The following RAB3C variants were observed in gnomAD, a reference collection of about 807,000 sequenced individuals.
RAB3C encodes the protein RAB3C, member RAS oncogene family.
Under a neutral mutation model 26.4 loss-of-function variants are expected in RAB3C, and 17 were observed. That is an observed-to-expected ratio of 0.64 (90% confidence interval 0.44 to 0.97). The LOEUF (loss-of-function observed/expected upper bound fraction) is 0.97, where lower values mean the gene tolerates loss of function less well. Among genes scored for constraint, RAB3C ranks in the 50% least tolerant of loss-of-function variants. The pLI is 0.00. For missense variants in RAB3C, 242 were observed against 281.9 expected, an observed-to-expected ratio of 0.86 and a Z score of 1.01; for synonymous variants, 91 against 95.9, an observed-to-expected ratio of 0.95 and a Z score of 0.30.
chr5:58,628,203 A>T (rs1329258286), intron 2 of RAB3C, among the ~76,000 whole-genome samples: 1 of 151,930 alleles, frequency 6.6e-6, no homozygotes, highest in African/African-American at 2.4e-5. Context: ...TCGTGTGAGA[A>T]ACAATAGAGA....
At chr5:58,843,270 A>G (rs904947367) in intron 4 of RAB3C, among the ~76,000 whole-genome samples, 1 of 152,194 alleles carries the variant, frequency 6.6e-6, no homozygotes, top group Non-Finnish European at 1.5e-5. Flanking sequence ...GTATTACACT[A>G]TTTGCTCTAT....
rs1747515472 is a variant in RAB3C at position 58,646,250 on chromosome 5, A to T, written c.252+28380A>T. 2.0e-5 allele frequency among the ~76,000 whole-genome samples: 3 copies of T among 152,130 alleles called. No individual in the cohort carries two copies. In the South Asian group the frequency reaches 6.2e-4, roughly 32 times the overall value. On this transcript the variant is annotated intron_variant, in intron 2 of 4. Coordinates refer to ENST00000282878, the MANE Select transcript of RAB3C (RefSeq NM_138453.4). ...ACTGCACCTAGCATAGTGTGTTGTA[A>T]CTGACACAAACAGCTTCTATCTCAG...
rs988644141 is a variant in RAB3C at position 58,805,446 on chromosome 5, G to A, written c.372-19592G>A. On this transcript the variant is annotated intron_variant, in intron 3 of 4. Transcript: ENST00000282878. ...CTAAAAATACAAAAATTAGCCAGGT[G>A]TGGTAGTGCGCGCCTATAATCCCAT... Among the ~76,000 whole-genome samples the A allele has an allele frequency of 3.3e-5, 5 of 151,694 alleles. No homozygotes were observed. The East Asian group carries it at 9.7e-4, about 29-fold the overall frequency.
At chr5:58,634,816 A>G (rs1747255319) in intron 2 of RAB3C, among the ~76,000 whole-genome samples, 1 of 152,164 alleles carries the variant, frequency 6.6e-6, no homozygotes, top group African/African-American at 2.4e-5. Context: ...GGCAGTTCCC[A>G]AGTCAGTGGG....
chr5:58,851,145 T>G lies in RAB3C; in HGVS notation c.497-19T>G. ...GAAATGCAAAATAACCAAGATGTGT[T>G]TCTGTGTGTTTCTTCCAGGGTTTGA... On this transcript the variant is annotated intron_variant, in intron 4 of 4. Transcript: ENST00000282878. 6.3e-7 allele frequency: 1 copy of G among 1,579,956 alleles called. No homozygotes were observed. The highest frequency in any genetic ancestry group is 8.6e-7 in the Non-Finnish European group (1 of 1,165,246).
At chr5:58,709,415 A>G (rs1437079551) in intron 2 of RAB3C, among the ~76,000 whole-genome samples, 10 of 152,208 alleles carry the variant, frequency 6.6e-5, no homozygotes, top group African/African-American at 2.2e-4. Flanking sequence ...CACAATTCAC[A>G]GTCCAGTCCT....
intron 2 of RAB3C, among the ~76,000 whole-genome samples, chr5:58,663,027 G>A (rs1747935859): frequency 6.7e-6 from 1 of 150,192 alleles, no homozygotes; most frequent in Non-Finnish European, 1.5e-5. Context: ...TGAAGAAAGA[G>A]CTGTTTATGT....
At chr5:58,779,406 G>A (rs766218427) in intron 3 of RAB3C, among the ~76,000 whole-genome samples, 6 of 150,046 alleles carry the variant, frequency 4.0e-5, no homozygotes. Flanking sequence ...TTTTTTTCAG[G>A]CAGTGGCTCA....
chr5:58,748,237 A>G (rs1741441073), intron 3 of RAB3C, among the ~76,000 whole-genome samples: 1 of 152,168 alleles, frequency 6.6e-6, no homozygotes, highest in South Asian at 2.1e-4. Context: ...AAACACAAGA[A>G]CAAGAGAGAT....
chr5:58,805,017 T>C (rs1016465433), intron 3 of RAB3C, among the ~76,000 whole-genome samples: 22 of 151,932 alleles, frequency 1.4e-4, no homozygotes, highest in African/African-American at 5.3e-4. Context: ...TTTTTAAATT[T>C]ATTTAAGCTT....
At chr5:58,776,592 C>T (rs193039367) in intron 3 of RAB3C, among the ~76,000 whole-genome samples, 9 of 152,212 alleles carry the variant, frequency 5.9e-5, no homozygotes, top group Non-Finnish European at 1.2e-4. Context: ...TCTTCTTAAT[C>T]TTCCATCTTA....
chr5:58,720,871 C>T (rs1052855302), intron 2 of RAB3C, among the ~76,000 whole-genome samples: 4 of 151,690 alleles, frequency 2.6e-5, no homozygotes, highest in Non-Finnish European at 2.9e-5. Context: ...TAATTGAATA[C>T]AAGGAGAAGT....
chr5:58,858,759 C>G lies in RAB3C; in HGVS notation c.*7408C>G, dbSNP rs1455081129. 2.0e-5 allele frequency: 3 copies of G among 152,160 alleles called. No homozygotes were observed. The highest frequency in any genetic ancestry group is 7.2e-5 in the African/African-American group (3 of 41,428). 9.4% of individuals were successfully genotyped at this position (152,160 alleles called of 1,614,324 possible). On this transcript the variant is annotated 3_prime_UTR_variant, in exon 5 of 5. Coordinates refer to ENST00000282878, the MANE Select transcript of RAB3C (RefSeq NM_138453.4). ...GGCCCTTTGAAACCATTCAAATTAC[C>G]CCAGTTTAGCTCCCTACCTTTTAGT...
chr5:58,711,651 GA>G (rs1288201083), intron 2 of RAB3C, among the ~76,000 whole-genome samples: 2 of 152,166 alleles, frequency 1.3e-5, no homozygotes, highest in Admixed American at 1.3e-4. Context: ...CAGTAATCTT[GA>G]GAAGATAGAT....
chr5:58,681,380 A>G (rs1203700748), intron 2 of RAB3C, among the ~76,000 whole-genome samples: 1 of 152,234 alleles, frequency 6.6e-6, no homozygotes, highest in East Asian at 1.9e-4. Flanking sequence ...ACTAAACTAG[A>G]ATGTCATTTT....
At chr5:58,838,127 TC>T (rs1445596887) in intron 4 of RAB3C, among the ~76,000 whole-genome samples, 1 of 152,162 alleles carries the variant, frequency 6.6e-6, no homozygotes, top group Non-Finnish European at 1.5e-5. Context: ...ACGCCTGTAA[TC>T]CCAGTACTTT....
intron 3 of RAB3C, among the ~76,000 whole-genome samples, chr5:58,755,717 T>A (rs1209988576): frequency 6.6e-6 from 1 of 152,202 alleles, no homozygotes; most frequent in African/African-American, 2.4e-5. Context: ...ATTCTAAAAA[T>A]GCCCACTGGG....
chr5:58,823,569 G>A (rs924146107), intron 3 of RAB3C: 11 of 190,972 alleles, frequency 5.8e-5, no homozygotes, highest in Non-Finnish European at 1.2e-4. Context: ...TGCTATACAA[G>A]AGAATCCAAA....
chr5:58,805,603 A>AAG (rs1554019804), intron 3 of RAB3C, among the ~76,000 whole-genome samples: 1,551 of 132,698 alleles, frequency 0.012, 40 homozygotes, highest in Middle Eastern at 0.028. Context: ...AAAAAAAAAA[A>AAG]AGAGAGAGAG....
Sources: gnomAD v4.1 joint callset for allele counts (sites outside exome capture counted in the v4.1 genomes callset) on GRCh38, gnomAD v4.1.1 for gene constraint, MANE v1.5 for transcripts, NCBI Gene and HGNC (gene_info 2026-07-23, HGNC 2026-07-21) for gene names.